The following GLS variants were observed in gnomAD, a reference collection of about 807,000 sequenced individuals.
GLS encodes the protein glutaminase kidney isoform, mitochondrial.
In GLS, 36 loss-of-function variants were observed where a neutral mutation model predicts 86.7. That is an observed-to-expected ratio of 0.42 (90% CI 0.32 to 0.55). GLS has a LOEUF of 0.55. GLS is among the 20% of genes least tolerant of loss of function. The pLI is 0.17. For synonymous variants in GLS, 317 were observed against 305.9 expected (o/e 1.04, Z -0.38); for missense variants, 528 against 833.4 (o/e 0.63, Z 4.51).
At chr2:190,894,058 T>C (rs1688650263) in intron 1 of GLS, among the ~76,000 whole-genome samples, 1 of 151,200 alleles carries the variant, frequency 6.6e-6, no homozygotes, top group Admixed American at 6.6e-5. Context: ...GTTACACTAG[T>C]TTAGTTAATT....
chr2:190,901,117 C>A (rs374897064), intron 4 of GLS, among the ~76,000 whole-genome samples: 23 of 152,042 alleles, frequency 1.5e-4, no homozygotes, highest in Non-Finnish European at 2.5e-4. Context: ...TTAGTATAAT[C>A]CAGTTGGCCC....
At position 190,962,872 on chromosome 2, in the gene GLS, C is replaced by A; in HGVS notation, c.1896C>A (p.His632Gln). The part of the protein sequence containing the change: ...TPMDEALHFG[H>Q]HDVFKILQEY... ...TGGATGAAGCACTGCACTTTGGACA[C>A]CATGATGTATTTAAAATTCTCCAAG... is the stretch of plus-strand genomic sequence containing the variant. Residue 632 changes from histidine (H) to glutamine (Q), a missense_variant, in exon 18 of 18, where the codon CAC (histidine) becomes CAA (glutamine). Physicochemically the swap from His to Gln is conservative, Grantham distance 24. Coordinates refer to ENST00000320717, the MANE Select transcript of GLS (RefSeq NM_014905.5). The surrounding 1 kb of genome is among the most constrained non-coding windows in gnomAD (Gnocchi z 4.2). 6.3e-7 allele frequency: 1 copy of A among 1,596,666 alleles called. No homozygotes were observed. Among genetic ancestry groups the A allele is most frequent in the Non-Finnish European group, 8.5e-7 (1 of 1,173,626 alleles).
chr2:190,955,031 G>C lies in GLS; in HGVS notation c.1853+213G>C, dbSNP rs1690824181. Reference sequence around the variant, plus strand: ...ATGGTGTCTTATTTAGAAATTTTCAGGTTGATTTGACCATTAGTCAATACA... The same window carrying C: ...ATGGTGTCTTATTTAGAAATTTTCACGTTGATTTGACCATTAGTCAATACA... On this transcript the variant is annotated intron_variant, in intron 17 of 17. Transcript: ENST00000320717. The surrounding 1 kb of genome is among the most constrained non-coding windows in gnomAD (Gnocchi z 5.6). Among the ~76,000 whole-genome samples the C allele has an allele frequency of 6.6e-6, 1 of 151,700 alleles. No homozygotes were observed. The highest frequency in any genetic ancestry group is 1.5e-5 in the Non-Finnish European group (1 of 67,960).
Position 190,895,068 on chromosome 2 carries a change from G to A in GLS, c.387-84G>A, listed in dbSNP as rs1472815807. 1.5e-6 allele frequency: 1 copy of A among 662,742 alleles called. No individual in the cohort carries two copies. Among genetic ancestry groups the A allele is most frequent in the African/African-American group, 1.8e-5 (1 of 56,004 alleles). 41.1% of individuals were successfully genotyped at this position (662,742 alleles called of 1,614,324 possible). Reference sequence around the variant, plus strand: ...ATGAGCTCAGCTGTAGTCTAGTTTAGTGGTTATTTAACAATGGATTTAGTT... The same window carrying A: ...ATGAGCTCAGCTGTAGTCTAGTTTAATGGTTATTTAACAATGGATTTAGTT... On this transcript the variant is annotated intron_variant, in intron 1 of 17. Transcript: ENST00000320717. This position sits in a 1 kb window ranked among gnomAD's most constrained non-coding sequence, Gnocchi z 4.2.
rs576673183 is a variant in GLS, at chr2:190,927,744, T to G, written c.1425+262T>G. The G allele has an allele frequency of 2.8e-5, 7 of 250,170 alleles. No homozygotes were observed. The East Asian group carries it at 5.6e-4, about 20-fold the overall frequency. The allele number at this position is 250,170 out of a possible 1,614,324, so 15.5% of individuals were successfully genotyped here. On this transcript the variant is annotated intron_variant, in intron 12 of 17. Coordinates refer to ENST00000320717, the MANE Select transcript of GLS (RefSeq NM_014905.5). ...CCAGTGTACAAGGTTAGTACAGTCT[T>G]TCTTTACTTTTTGTTTTTAATGTTT... is the stretch of plus-strand genomic sequence containing the variant.
intron 11 of GLS, among the ~76,000 whole-genome samples, chr2:190,925,151 C>G (rs1471469974): frequency 6.6e-6 from 1 of 152,144 alleles, no homozygotes; most frequent in Non-Finnish European, 1.5e-5. Context: ...AATTGGCACT[C>G]TTAATTATAA....
At chr2:190,942,946 T>G (rs1281165387) in intron 14 of GLS, among the ~76,000 whole-genome samples, 1 of 152,192 alleles carries the variant, frequency 6.6e-6, no homozygotes, top group Non-Finnish European at 1.5e-5. Context: ...AGGTGGCTGT[T>G]TCATCTTTAG....
chr2:190,901,676 C>G (rs764278120), intron 4 of GLS, among the ~76,000 whole-genome samples: 6 of 151,542 alleles, frequency 4.0e-5, no homozygotes, highest in Non-Finnish European at 7.4e-5. Flanking sequence ...CTGCTAGACT[C>G]TCCTGCTAAA....
At chr2:190,933,774 A>T (rs1261233892) in intron 14 of GLS, 39 of 687,134 alleles carry the variant, frequency 5.7e-5, no homozygotes, top group Admixed American at 6.3e-5. Flanking sequence ...TCTTAATTTT[A>T]TAAATGCTAA....
rs751851975 is a variant in GLS at position 190,895,745 on chromosome 2, C to T, written c.605+20C>T. 3 of 1,567,456 alleles carry T rather than the reference C, an allele frequency of 1.9e-6. No individual in the cohort carries two copies. The highest frequency in any genetic ancestry group is 2.4e-5 in the South Asian group (2 of 84,600). On this transcript the variant is annotated intron_variant, in intron 3 of 17. Transcript: ENST00000320717. This position sits in a 1 kb window ranked among gnomAD's most constrained non-coding sequence, Gnocchi z 4.2. ...TAAAAAGTAAAAGTTTCTGCCAAAC[C>T]TTTAATGGTGATTTGCTATGCTATA...
chr2:190,881,159 G>T lies in GLS; in HGVS notation c.75G>T (p.Leu25=). 6.5e-7 allele frequency: 1 copy of T among 1,546,102 alleles called. No individual in the cohort carries two copies. Among genetic ancestry groups the T allele is most frequent in the South Asian group, 1.2e-5 (1 of 85,144 alleles). The change falls in exon 1 of 18, where the codon CTG becomes CTT. Residue 25 remains leucine (L), a synonymous_variant. Transcript: ENST00000320717. ...CGCCCGCCGGCGTGAGCGCGACTCT[G>T]CGGCGGGCACAGCCCTTGGTCACCC... ...LRSPAGVSAT[L]RRAQPLVTLC...
At position 190,921,032 on chromosome 2, in the gene GLS, A is replaced by C. The variant is rs1689717448; in HGVS notation, c.1047A>C (p.Val349=). The change falls in exon 8 of 18, where the codon GTA becomes GTC. Residue 349 remains valine (V), a synonymous_variant. Coordinates refer to ENST00000320717, the MANE Select transcript of GLS (RefSeq NM_014905.5). This position sits in a 1 kb window ranked among gnomAD's most constrained non-coding sequence, Gnocchi z 4.2. ...CTCTTATTTTTTTGCAGCAAGGAGT[A>C]AATAATGCTGAAAAATTTGACTATG... is the stretch of plus-strand genomic sequence containing the variant. The part of the protein sequence containing the change: ...IVVTSLIKQG[V]NNAEKFDYVM... 1.3e-6 allele frequency: 2 copies of C among 1,552,932 alleles called. No individual in the cohort carries two copies. Among genetic ancestry groups the C allele is most frequent in the East Asian group, 4.5e-5 (2 of 44,414 alleles).
chr2:190,944,381 T>C (rs1246203466), intron 14 of GLS, among the ~76,000 whole-genome samples: 9 of 152,188 alleles, frequency 5.9e-5, no homozygotes, highest in African/African-American at 9.6e-5. Context: ...TTCACTAATG[T>C]TCATGAACTT....
At chr2:190,896,750 G>A (rs1250240593) in intron 3 of GLS, among the ~76,000 whole-genome samples, 1 of 152,178 alleles carries the variant, frequency 6.6e-6, no homozygotes, top group African/African-American at 2.4e-5. Context: ...ACCTTAAAGT[G>A]TAGACTTTAG....
intron 14 of GLS, among the ~76,000 whole-genome samples, chr2:190,944,431 A>G (rs1431949236): frequency 1.3e-5 from 2 of 152,218 alleles, no homozygotes; most frequent in Non-Finnish European, 2.9e-5. Context: ...AGAAGACCAG[A>G]AAGATAGTGA....
rs372281279 is a variant in GLS, at chr2:190,917,803, TTC to T, written c.1039-3219_1039-3218del. ...ATTTTGAAAGAAATATTTTTTTTTTTTCTGGCTGGTCATGGTGGCTCACACCT... is the reference window on the plus strand; with the variant it reads ...ATTTTGAAAGAAATATTTTTTTTTTTTGGCTGGTCATGGTGGCTCACACCT... On this transcript the variant is annotated intron_variant, in intron 7 of 17. Coordinates refer to ENST00000320717, the MANE Select transcript of GLS (RefSeq NM_014905.5). 5.8e-3 allele frequency among the ~76,000 whole-genome samples: 876 copies of T among 152,032 alleles called. 14 individuals carry two copies. Among genetic ancestry groups the T allele is most frequent in the African/African-American group, 0.019 (774 of 41,442 alleles).
intron 3 of GLS, among the ~76,000 whole-genome samples, chr2:190,900,263 G>A (rs917719447): frequency 6.6e-6 from 1 of 152,116 alleles, no homozygotes; most frequent in African/African-American, 2.4e-5. Context: ...AACTCTGATT[G>A]AGTAAGAAGC....
intron 17 of GLS, among the ~76,000 whole-genome samples, chr2:190,961,906 G>T (rs539736006): frequency 2.2e-4 from 34 of 152,312 alleles, no homozygotes; most frequent in Admixed American, 1.9e-3. Flanking sequence ...TAGGAAGGTG[G>T]TGCCAGTGGC....
intron 11 of GLS, among the ~76,000 whole-genome samples, chr2:190,926,571 A>C (rs564655868): frequency 6.6e-6 from 1 of 152,320 alleles, no homozygotes; most frequent in African/African-American, 2.4e-5. Context: ...AAATGTGGAA[A>C]AATTTATTTT....
Sources: allele counts gnomAD v4.1 joint callset (sites outside exome capture counted in the v4.1 genomes callset), GRCh38; gene constraint gnomAD v4.1.1; non-coding constraint Gnocchi (gnomAD v3.1); transcripts MANE v1.5; gene names NCBI Gene and HGNC (gene_info 2026-07-23, HGNC 2026-07-21).